ILDR1: variants seen among roughly 807,000 people sequenced by gnomAD.
ILDR1 encodes the protein immunoglobulin like domain containing receptor 1, also known as immunoglobulin-like domain-containing receptor 1.
Under a neutral mutation model 62.4 loss-of-function variants are expected in ILDR1, and 56 were observed. The ratio of observed to expected loss-of-function variants is 0.90; its 90% confidence interval spans 0.72 to 1.12. ILDR1 has a LOEUF of 1.12. Ranked by LOEUF, ILDR1 falls within the 50% of genes most tolerant of loss-of-function variation. The pLI is 0.00. For synonymous variants in ILDR1, 284 were observed against 277.8 expected, an observed-to-expected ratio of 1.02 and a Z score of -0.22; for missense variants, 736 against 710.6, an observed-to-expected ratio of 1.04 and a Z score of -0.41.
chr3:122,056,536 G>A, the ILDR1 span, among the ~76,000 whole-genome samples: 6 of 152,202 alleles, frequency 3.9e-5, no homozygotes, highest in East Asian at 1.9e-4. Context: ...GGTCCACCAT[G>A]TTGGCCAGGA....
intron 5 of ILDR1, among the ~76,000 whole-genome samples, chr3:121,999,518 G>C (rs976333529): frequency 6.6e-6 from 1 of 152,142 alleles, no homozygotes; most frequent in Non-Finnish European, 1.5e-5. Context: ...CTGTTTTAAA[G>C]GATCAGATGT....
the ILDR1 span, among the ~76,000 whole-genome samples, chr3:122,027,289 A>T: frequency 6.6e-6 from 1 of 152,118 alleles, no homozygotes; most frequent in Non-Finnish European, 1.5e-5. Context: ...TCCCAAGTTC[A>T]AGAGACTCTC....
the ILDR1 span, among the ~76,000 whole-genome samples, chr3:122,056,428 G>A: frequency 5.9e-5 from 9 of 152,112 alleles, no homozygotes; most frequent in South Asian, 4.1e-4. Flanking sequence ...TCCGCCTCTC[G>A]GATTCAAACG....
chr3:122,047,541 G>A, the ILDR1 span, among the ~76,000 whole-genome samples: 2 of 152,216 alleles, frequency 1.3e-5, no homozygotes, highest in Non-Finnish European at 2.9e-5. Flanking sequence ...TTTGATCTCA[G>A]ACTGCTGTGC....
intron 2 of ILDR1, among the ~76,000 whole-genome samples, chr3:122,005,947 C>A (rs541400964): frequency 3.8e-4 from 58 of 151,768 alleles, no homozygotes; most frequent in Admixed American, 8.5e-4. Context: ...AAAAAAAAAA[C>A]CAAAACAGAA....
chr3:122,001,507 T>A, intron 4 of ILDR1, 53 bp from the exon 5 acceptor site: 8 of 1,468,660 alleles, frequency 5.4e-6, no homozygotes, highest in South Asian at 1.1e-5. Flanking sequence ...GGGGAGGGAA[T>A]ACTTCCAGTT....
Position 122,001,735 on chromosome 3 carries a change from T to C in ILDR1, c.499+10A>G. 6.2e-7 allele frequency: 1 copy of C among 1,612,752 alleles called. No individual in the cohort carries two copies. Among genetic ancestry groups the C allele is most frequent in the South Asian group, 1.1e-5 (1 of 91,004 alleles). On this transcript the variant is annotated intron_variant, in intron 4 of 7. Coordinates refer to ENST00000344209, the MANE Select transcript of ILDR1 (RefSeq NM_001199799.2). ...AGGGTGACTGAATAGAAAGCTCCAG[T>C]AGCACTTACGTAGGACGATGAGCTT... is the stretch of plus-strand genomic sequence containing the variant.
chr3:122,039,621 C>T, the ILDR1 span, among the ~76,000 whole-genome samples: 5 of 151,408 alleles, frequency 3.3e-5, no homozygotes, highest in Admixed American at 3.3e-4. Context: ...ACATACACTG[C>T]AAGAAATTTT....
At chr3:122,045,101 G>T in the ILDR1 span, among the ~76,000 whole-genome samples, 1 of 151,984 alleles carries the variant, frequency 6.6e-6, no homozygotes, top group Non-Finnish European at 1.5e-5. Context: ...GCATCCCAGA[G>T]ATTCTGGTAT....
intron 3 of ILDR1, 40 bp downstream of exon 3, chr3:122,005,204 C>T: frequency 8.1e-7 from 1 of 1,238,542 alleles, no homozygotes; most frequent in South Asian, 1.2e-5. Flanking sequence ...TCTGCACCTC[C>T]CCCCACCCCC....
intron 1 of ILDR1, among the ~76,000 whole-genome samples, chr3:122,019,327 A>C (rs1253956912): frequency 6.6e-6 from 1 of 152,160 alleles, no homozygotes; most frequent in Non-Finnish European, 1.5e-5. Flanking sequence ...CATTGTTATT[A>C]TTTTATTCAA....
intron 1 of ILDR1, among the ~76,000 whole-genome samples, chr3:122,008,593 CTTTTT>C (rs10546593): frequency 7.5e-5 from 6 of 80,110 alleles, no homozygotes; most frequent in Admixed American, 1.5e-4. Context: ...CTTTTCTTTT[CTTTTT>C]TTTTTTTTTT....
the ILDR1 span, among the ~76,000 whole-genome samples, chr3:122,059,764 T>A: frequency 1.3e-5 from 2 of 152,034 alleles, no homozygotes; most frequent in Admixed American, 6.6e-5. Context: ...TATTTGGAGA[T>A]AGGGTCTTTA....
At chr3:122,047,029 T>C in the ILDR1 span, among the ~76,000 whole-genome samples, 16 of 144,992 alleles carry the variant, frequency 1.1e-4, no homozygotes, top group Non-Finnish European at 2.3e-4. Flanking sequence ...TCTGTTCTGT[T>C]TTTTCCCCAT....
chr3:122,047,257 G>A, the ILDR1 span, among the ~76,000 whole-genome samples: 1 of 152,112 alleles, frequency 6.6e-6, no homozygotes, highest in Non-Finnish European at 1.5e-5. Flanking sequence ...GGACCCACTT[G>A]AGAAGGCAGT....
chr3:122,029,850 A>AC, the ILDR1 span, among the ~76,000 whole-genome samples: 1 of 152,232 alleles, frequency 6.6e-6, no homozygotes, highest in Non-Finnish European at 1.5e-5. Context: ...ATACTGGGTA[A>AC]CCTTACATAA....
At chr3:122,018,225 G>T (rs545847515) in intron 1 of ILDR1, among the ~76,000 whole-genome samples, 1 of 152,280 alleles carries the variant, frequency 6.6e-6, no homozygotes, top group East Asian at 1.9e-4. Context: ...AAAAGGATGA[G>T]TTCATGTCCT....
upstream of ILDR1, among the ~76,000 whole-genome samples, chr3:122,023,409 A>G (rs2071893451): frequency 6.6e-6 from 1 of 152,180 alleles, no homozygotes; most frequent in African/African-American, 2.4e-5. Flanking sequence ...AAGAAAAATA[A>G]ATGAATAAAA....
At chr3:122,049,304 TA>T in the ILDR1 span, among the ~76,000 whole-genome samples, 5 of 151,514 alleles carry the variant, frequency 3.3e-5, no homozygotes, top group Admixed American at 6.6e-5. Context: ...TGTGATCTAT[TA>T]AAAAAAAATG....
Sources: allele counts gnomAD v4.1 joint callset (sites outside exome capture counted in the v4.1 genomes callset), GRCh38; gene constraint gnomAD v4.1.1; transcripts MANE v1.5; gene names NCBI Gene and HGNC (gene_info 2026-07-23, HGNC 2026-07-21).